ILDR2: variants seen among roughly 807,000 people sequenced by gnomAD.
ILDR2 encodes the protein immunoglobulin-like domain-containing receptor 2.
ILDR2 carries 25 observed loss-of-function variants against 66.8 expected under a neutral mutation model. That is an observed-to-expected ratio of 0.37 (90% CI 0.27 to 0.52). The LOEUF is 0.52. Among genes scored for constraint, ILDR2 ranks in the 20% least tolerant of loss-of-function variants. The pLI is 0.88. For missense variants in ILDR2, 827 were observed against 876.8 expected (o/e 0.94, Z 0.72); for synonymous variants, 367 against 357.2 (o/e 1.03, Z -0.31).
At chr1:166,899,355 T>C (rs1411463542) in intron 2 of ILDR2, among the ~76,000 whole-genome samples, 1 of 148,132 alleles carries the variant, frequency 6.8e-6, no homozygotes, top group Non-Finnish European at 1.5e-5. Flanking sequence ...ATCGTGCCAC[T>C]GCACTCCAGC....
intron 7 of ILDR2, among the ~76,000 whole-genome samples, chr1:166,924,432 A>G (rs959507150): frequency 2.0e-5 from 3 of 152,202 alleles, no homozygotes; most frequent in African/African-American, 2.4e-5. Flanking sequence ...AGGACGATCT[A>G]TGTTTCACTA....
rs760482343 is a variant in ILDR2 at position 166,922,575 on chromosome 1, G to A, written c.1211+18C>T. 1 of 1,606,772 alleles carries A rather than the reference G, an allele frequency of 6.2e-7. No individual in the cohort carries two copies. The highest frequency in any genetic ancestry group is 8.5e-7 in the Non-Finnish European group (1 of 1,174,594). ...CTGCCCCCTCACACCGACCAGACCT[G>A]CCCCTCACAGCCATCACCTGTGCCT... On this transcript the variant is annotated intron_variant, in intron 8 of 9. Transcript: ENST00000271417.
chr1:166,939,790 G>A (rs549756145), intron 3 of ILDR2, among the ~76,000 whole-genome samples: 13 of 152,146 alleles, frequency 8.5e-5, no homozygotes, highest in Non-Finnish European at 1.5e-4. Flanking sequence ...TAAACTAAGC[G>A]GAAGCAGAAA....
chr1:166,929,218 G>C (rs1246532432), intron 6 of ILDR2, among the ~76,000 whole-genome samples: 1 of 152,186 alleles, frequency 6.6e-6, no homozygotes, highest in African/African-American at 2.4e-5. Context: ...ATCTCTTAAA[G>C]ATGAGAGGAC....
intron 2 of ILDR2, among the ~76,000 whole-genome samples, chr1:166,897,192 T>C (rs539723517): frequency 2.0e-5 from 3 of 151,912 alleles, no homozygotes; most frequent in Non-Finnish European, 2.9e-5. Flanking sequence ...ACATTAGAGC[T>C]AATATAGACC....
At chr1:166,969,289 T>G (rs1663142166) in intron 1 of ILDR2, among the ~76,000 whole-genome samples, 1 of 152,206 alleles carries the variant, frequency 6.6e-6, no homozygotes, top group Non-Finnish European at 1.5e-5. Flanking sequence ...AGCACCACTT[T>G]CTGTAGGGTT....
chr1:166,966,352 T>C (rs958640130), intron 1 of ILDR2, among the ~76,000 whole-genome samples: 8 of 152,306 alleles, frequency 5.3e-5, no homozygotes, highest in Non-Finnish European at 4.4e-5. Context: ...AGGATTAGGG[T>C]AACCAGATGT....
intron 1 of ILDR2, among the ~76,000 whole-genome samples, chr1:166,974,166 T>C (rs915164349): frequency 1.3e-5 from 2 of 152,202 alleles, no homozygotes; most frequent in African/African-American, 4.8e-5. Flanking sequence ...TTTTCTCTCC[T>C]GCCTTCCACC....
chr1:166,947,660 C>T (rs1360845190), intron 3 of ILDR2, among the ~76,000 whole-genome samples: 1 of 152,164 alleles, frequency 6.6e-6, no homozygotes, highest in Non-Finnish European at 1.5e-5. Flanking sequence ...CTGCCCCCAG[C>T]CCCCGTTTCC....
intron 6 of ILDR2, among the ~76,000 whole-genome samples, chr1:166,934,787 T>C (rs1026730009): frequency 1.3e-5 from 2 of 152,254 alleles, no homozygotes; most frequent in Non-Finnish European, 2.9e-5. Context: ...TATTCATTCC[T>C]CTAGGCTCAG....
rs548006174 is a variant in ILDR2 at position 166,922,669 on chromosome 1, C to G, written c.1135G>C (p.Gly379Arg). The change falls in exon 8 of 10, where the codon GGA (glycine) becomes CGA (arginine). Residue 379 changes from glycine to arginine, a missense_variant. Around this residue, in one of 2 missense-constraint regions of ILDR2, gnomAD observed 437 missense variants for 523.2 expected, o/e 0.84. Transcript: ENST00000271417. ...SNPDYWSGVM[G>R]GSSGASRGPS... ...CCGCGGCTTGCCCCACTGCTGCCTC[C>G]CATGACACCTGACCAATAGTCAGGA... 5 of 1,614,182 alleles carry G rather than the reference C, an allele frequency of 3.1e-6. No individual in the cohort carries two copies. The highest frequency in any genetic ancestry group is 4.2e-6 in the Non-Finnish European group (5 of 1,180,030).
At chr1:166,896,309 GTGC>G (rs965652370) in intron 2 of ILDR2, among the ~76,000 whole-genome samples, 2 of 152,112 alleles carry the variant, frequency 1.3e-5, no homozygotes, top group African/African-American at 4.8e-5. Context: ...GAAGGTGCTG[GTGC>G]TGCTGCTGTT....
chr1:166,936,733 C>T lies in ILDR2; in HGVS notation c.561G>A (p.Trp187Ter). ...PSFAVEIMPE[W>*]VFVGLVLLGV... ...CCAGGAGCACCAGGCCAACAAACAC[C>T]CACTCTGGAAGGATGCACAAAGAAA... Residue 187 changes from tryptophan (W) to a stop codon, truncating the protein, a stop_gained, in exon 5 of 10, where the codon TGG (tryptophan) becomes TGA (stop). Transcript: ENST00000271417. LOFTEE classifies it high-confidence loss of function. This position sits in a 1 kb window ranked among gnomAD's most constrained non-coding sequence, Gnocchi z 5.0. 1 of 1,614,014 alleles carries T rather than the reference C, an allele frequency of 6.2e-7. No homozygotes were observed. Among genetic ancestry groups the T allele is most frequent in the Non-Finnish European group, 8.5e-7 (1 of 1,179,988 alleles).
At chr1:166,924,496 T>A (rs1294935293) in intron 7 of ILDR2, among the ~76,000 whole-genome samples, 2 of 152,246 alleles carry the variant, frequency 1.3e-5, no homozygotes, top group Non-Finnish European at 2.9e-5. Flanking sequence ...TCTGCCAAGT[T>A]GAACATAAAC....
chr1:166,900,958 T>C (rs1659253714), intron 2 of ILDR2, among the ~76,000 whole-genome samples: 1 of 152,210 alleles, frequency 6.6e-6, no homozygotes, highest in African/African-American at 2.4e-5. Context: ...CAATTTACTC[T>C]GATGTTTAAA....
chr1:166,938,613 C>T (rs768236455), intron 4 of ILDR2, among the ~76,000 whole-genome samples: 19 of 152,078 alleles, frequency 1.2e-4, no homozygotes, highest in Non-Finnish European at 1.0e-4. Context: ...AATTCATAGA[C>T]GAATAATTAG....
intron 7 of ILDR2, 100 bp downstream of exon 7, chr1:166,926,967 C>T (rs1660338256): frequency 1.4e-6 from 1 of 706,270 alleles, no homozygotes; most frequent in Non-Finnish European, 2.4e-6. Flanking sequence ...AATTCTAAGC[C>T]TGCAAGCTCA....
rs915777806 is a variant in ILDR2, at chr1:166,912,576, T to C, written c.*6779A>G. On this transcript the variant is annotated 3_prime_UTR_variant, in exon 10 of 10. Transcript: ENST00000271417. Reference sequence around the variant, plus strand: ...AGTCTATCTTTAAGTTAAATCTACATGTTAACATTTTTAAGTTAACTACTT... The same window carrying C: ...AGTCTATCTTTAAGTTAAATCTACACGTTAACATTTTTAAGTTAACTACTT... 2 of 152,230 alleles carry C rather than the reference T, an allele frequency of 1.3e-5. No homozygotes were observed. Among genetic ancestry groups the C allele is most frequent in the South Asian group, 2.1e-4 (1 of 4,836 alleles). 9.4% of individuals were successfully genotyped at this position (152,230 alleles called of 1,614,324 possible). A position where few individuals can be genotyped will look rare whatever the true frequency, so the allele number is the denominator to read the frequency against.
intron 1 of ILDR2, among the ~76,000 whole-genome samples, chr1:166,973,562 T>A (rs1663426436): frequency 6.7e-6 from 1 of 148,272 alleles, no homozygotes; most frequent in African/African-American, 2.5e-5. Context: ...GTACTTCTTT[T>A]AGGCAGACCC....
Sources: allele counts gnomAD v4.1 joint callset (sites outside exome capture counted in the v4.1 genomes callset), GRCh38; gene constraint gnomAD v4.1.1; regional missense constraint gnomAD v4.1.1; non-coding constraint Gnocchi (gnomAD v3.1); transcripts MANE v1.5; gene names NCBI Gene and HGNC (gene_info 2026-07-23, HGNC 2026-07-21).